RAP1GAP2: variants seen among roughly 807,000 people sequenced by gnomAD.
RAP1GAP2 encodes RAP1 GTPase activating protein 2.
In RAP1GAP2, 27 loss-of-function variants were observed where a neutral mutation model predicts 95.0. The ratio of observed to expected loss-of-function variants is 0.28; its 90% CI spans 0.21 to 0.39. The LOEUF (loss-of-function observed/expected upper bound fraction) is 0.39, where lower values mean the gene tolerates loss of function less well. Ranked by LOEUF, RAP1GAP2 falls within the 10% of genes least tolerant of loss-of-function variation. The probability of loss-of-function intolerance (pLI) is 1.00; values close to 1 mark genes in which losing one functional copy is unlikely to be tolerated. For synonymous variants in RAP1GAP2, 373 were observed against 380.9 expected (o/e 0.98, Z 0.24); for missense variants, 771 against 970.0 (o/e 0.79, Z 2.72).
rs2070524565 is a variant in RAP1GAP2 at position 2,825,816 on chromosome 17, CATT to C, written c.80+25267_80+25269del. ...ACTCACAGTCTCTGGAGGAAACAGA[CATT>C]TAACAGTCATCTGCAAAGCATGAGG... On this transcript the variant is annotated intron_variant, in intron 2 of 24. Transcript: ENST00000254695. The surrounding 1 kb of genome is among the most constrained non-coding windows in gnomAD (Gnocchi z 4.1). Among the ~76,000 whole-genome samples, 1 of 152,102 alleles carries C rather than the reference CATT, an allele frequency of 6.6e-6. No homozygotes were observed. Among genetic ancestry groups the C allele is most frequent in the African/African-American group, 2.4e-5 (1 of 41,440 alleles).
chr17:2,769,359 T>A (rs1402095380), intron 1 of RAP1GAP2, among the ~76,000 whole-genome samples: 2 of 137,602 alleles, frequency 1.5e-5, no homozygotes, highest in Non-Finnish European at 3.1e-5. Context: ...ATCGAGACCA[T>A]CCTGGCTAAC....
chr17:2,957,072 G>A (rs1314094583), intron 3 of RAP1GAP2, among the ~76,000 whole-genome samples: 2 of 151,040 alleles, frequency 1.3e-5, no homozygotes, highest in African/African-American at 4.9e-5. Context: ...AGGTTGCAGT[G>A]AGCCGAGATT....
At chr17:2,790,360 C>T (rs1355856788) in intron 1 of RAP1GAP2, among the ~76,000 whole-genome samples, 1 of 152,184 alleles carries the variant, frequency 6.6e-6, no homozygotes, top group African/African-American at 2.4e-5. Context: ...GATCCACCCG[C>T]CTTGGCAGGT....
At chr17:2,876,165 C>T (rs2073091628) in intron 2 of RAP1GAP2, among the ~76,000 whole-genome samples, 1 of 151,948 alleles carries the variant, frequency 6.6e-6, no homozygotes, top group South Asian at 2.1e-4. Flanking sequence ...TCTTGATCTC[C>T]TGACCTTGTG....
intron 2 of RAP1GAP2, among the ~76,000 whole-genome samples, chr17:2,881,609 C>G (rs558319896): frequency 6.6e-6 from 1 of 152,270 alleles, no homozygotes; most frequent in East Asian, 1.9e-4. Flanking sequence ...GCTATGAACA[C>G]TTGTGTACAT....
At chr17:2,945,903 C>T (rs1040473462) in intron 3 of RAP1GAP2, among the ~76,000 whole-genome samples, 1 of 152,008 alleles carries the variant, frequency 6.6e-6, no homozygotes, top group African/African-American at 2.4e-5. Flanking sequence ...GATTCTCATG[C>T]CTCACCCTCC....
chr17:2,972,674 A>G (rs2151514145), intron 8 of RAP1GAP2, among the ~76,000 whole-genome samples: 1 of 152,204 alleles, frequency 6.6e-6, no homozygotes, highest in African/African-American at 2.4e-5. Context: ...GTAGGGGCCA[A>G]TATTCCTTAC....
At chr17:2,988,391 T>C (rs2045631050) in intron 11 of RAP1GAP2, among the ~76,000 whole-genome samples, 1 of 152,160 alleles carries the variant, frequency 6.6e-6, no homozygotes, top group Non-Finnish European at 1.5e-5. Context: ...CCAGCTCCAG[T>C]CCGTAACCCC....
intron 2 of RAP1GAP2, among the ~76,000 whole-genome samples, chr17:2,815,368 G>A (rs1279552366): frequency 6.6e-6 from 1 of 152,066 alleles, no homozygotes; most frequent in Non-Finnish European, 1.5e-5. Context: ...CGCTTGTTGT[G>A]AGGCTTAAAT....
In RAP1GAP2 at chr17:2,797,545, G is replaced by A. The variant is rs1171594426; in HGVS notation, c.44+974G>A. 1.3e-5 allele frequency among the ~76,000 whole-genome samples: 2 copies of A among 152,002 alleles called. No individual in the cohort carries two copies. Among genetic ancestry groups the A allele is most frequent in the South Asian group, 2.1e-4 (1 of 4,826 alleles). ...AATGGTGGACTAATGGGGGTGGCACGAAGGGCGAGGGGGAGAGGGGCTGTG... is the reference window on the plus strand; with the variant it reads ...AATGGTGGACTAATGGGGGTGGCACAAAGGGCGAGGGGGAGAGGGGCTGTG... On this transcript the variant is annotated intron_variant, in intron 1 of 24. Coordinates refer to ENST00000254695, the MANE Select transcript of RAP1GAP2 (RefSeq NM_015085.5). This position sits in a 1 kb window ranked among gnomAD's most constrained non-coding sequence, Gnocchi z 5.6.
At chr17:2,776,823 C>CGGAGGAGGAGGAGGA (rs372983882), upstream of RAP1GAP2, among the ~76,000 whole-genome samples, 60 of 144,114 alleles carry the variant, frequency 4.2e-4, no homozygotes, top group African/African-American at 7.4e-4. Flanking sequence ...CCCGCCGCCC[C>CGGAGGAGGAGGAGGA]GGAGGAGGAG....
At position 2,979,381 on chromosome 17, in the gene RAP1GAP2, C is replaced by T. The variant is rs191326585; in HGVS notation, c.597-906C>T. Among the ~76,000 whole-genome samples, 264 of 151,842 alleles carry T rather than the reference C, an allele frequency of 1.7e-3. 1 individual carries two copies. The highest frequency in any genetic ancestry group is 6.1e-3 in the African/African-American group (254 of 41,426). ...TTCTTTGGGAGAACACAAAAACCTC[C>T]AAACAAACCAAAAAATAATGGCATC... is the stretch of plus-strand genomic sequence containing the variant. On this transcript the variant is annotated intron_variant, in intron 8 of 24. Transcript: ENST00000254695.
At chr17:2,864,599 G>T (rs2072548041) in intron 2 of RAP1GAP2, among the ~76,000 whole-genome samples, 1 of 152,204 alleles carries the variant, frequency 6.6e-6, no homozygotes. Flanking sequence ...GTACGGTGTG[G>T]GGAGCAGGAG....
intron 1 of RAP1GAP2, among the ~76,000 whole-genome samples, chr17:2,780,453 C>G (rs150427286): frequency 6.6e-6 from 1 of 152,218 alleles, no homozygotes; most frequent in Non-Finnish European, 1.5e-5. Context: ...CTGTTATGAG[C>G]GGCGATTGGA....
chr17:2,950,726 T>G (rs950578697), intron 3 of RAP1GAP2, among the ~76,000 whole-genome samples: 1 of 149,244 alleles, frequency 6.7e-6, no homozygotes, highest in African/African-American at 2.5e-5. Context: ...TTCTCCTGCC[T>G]CAGCCTCCCA....
chr17:2,781,913 T>C (rs2068669924), intron 1 of RAP1GAP2, among the ~76,000 whole-genome samples: 1 of 152,054 alleles, frequency 6.6e-6, no homozygotes. Flanking sequence ...TGCAGGTCTC[T>C]GTGTGGGCAC....
intron 3 of RAP1GAP2, among the ~76,000 whole-genome samples, chr17:2,929,689 C>A (rs149628208): frequency 1.5e-3 from 222 of 152,302 alleles, no homozygotes; most frequent in African/African-American, 4.8e-3. Context: ...CAGGTTATGC[C>A]CCTGGTAGCG....
At chr17:2,874,256 C>T (rs964082485) in intron 2 of RAP1GAP2, among the ~76,000 whole-genome samples, 1 of 152,210 alleles carries the variant, frequency 6.6e-6, no homozygotes, top group Non-Finnish European at 1.5e-5. Flanking sequence ...CCCTTTCTCC[C>T]CTCTGCCAAC....
At chr17:2,951,756 G>A (rs973129237) in intron 3 of RAP1GAP2, among the ~76,000 whole-genome samples, 1 of 151,854 alleles carries the variant, frequency 6.6e-6, no homozygotes, top group African/African-American at 2.4e-5. Context: ...AACCTAGGCT[G>A]GGCGCAGTGG....
Sources: allele counts gnomAD v4.1 joint callset (sites outside exome capture counted in the v4.1 genomes callset), GRCh38; gene constraint gnomAD v4.1.1; non-coding constraint Gnocchi (gnomAD v3.1); transcripts MANE v1.5; gene names NCBI Gene and HGNC (gene_info 2026-07-23, HGNC 2026-07-21).